The following ABHD12 variants were observed in gnomAD, a reference collection of about 807,000 sequenced individuals.
The protein encoded by ABHD12 is lysophosphatidylserine lipase ABHD12.
ABHD12 carries 43 observed loss-of-function variants against 58.3 expected under a neutral mutation model. That is an observed-to-expected ratio of 0.74 (90% CI 0.58 to 0.95). The LOEUF (loss-of-function observed/expected upper bound fraction) is 0.95, where lower values mean the gene tolerates loss of function less well. Among genes scored for constraint, ABHD12 ranks in the 40% least tolerant of loss-of-function variants. The pLI is 0.00. For synonymous variants in ABHD12, 219 were observed against 211.2 expected, an observed-to-expected ratio of 1.04 and a Z score of -0.32; for missense variants, 539 against 537.2, an observed-to-expected ratio of 1.00 and a Z score of -0.03.
intron 1 of ABHD12, among the ~76,000 whole-genome samples, chr20:25,382,650 C>A (rs1414911276): frequency 3.3e-5 from 5 of 152,166 alleles, no homozygotes; most frequent in Admixed American, 1.3e-4. Flanking sequence ...TTCCATGCCT[C>A]TCTCCAAGGC....
intron 1 of ABHD12, among the ~76,000 whole-genome samples, chr20:25,347,581 TTGAG>T: frequency 6.6e-6 from 1 of 152,226 alleles, no homozygotes; most frequent in East Asian, 1.9e-4. Context: ...TCCCAGCACT[TTGAG>T]TGGCCAAGGC....
intron 1 of ABHD12, among the ~76,000 whole-genome samples, chr20:25,345,234 C>T (rs187315206): frequency 3.3e-5 from 5 of 152,174 alleles, no homozygotes; most frequent in East Asian, 1.9e-4. Flanking sequence ...TACAGGTGAG[C>T]GCCACCACAT....
chr20:25,390,480 C>CT lies in ABHD12; in HGVS notation c.191+32_191+33insA, dbSNP rs767886624. 2.8e-3 allele frequency: 92 copies of CT among 33,100 alleles called. 7 individuals carry two copies. In the South Asian group the frequency reaches 0.059, roughly 21 times the overall value. The allele number at this position is 33,100 out of a possible 1,614,324, so 2.1% of individuals were successfully genotyped here. The stretch of plus-strand genomic sequence containing the variant: ...ACCTGCGCAAAGTGAGGGACCGGCC[C>CT]CCCCCCCCCCCCCGCTCCGCGCGAA... On this transcript the variant is annotated intron_variant, in intron 1 of 12. Coordinates refer to ENST00000339157, the MANE Select transcript of ABHD12 (RefSeq NM_001042472.3).
chr20:25,373,350 C>T (rs930974121), intron 1 of ABHD12, among the ~76,000 whole-genome samples: 12 of 152,092 alleles, frequency 7.9e-5, no homozygotes, highest in Non-Finnish European at 1.3e-4. Flanking sequence ...AGTTCAAGAC[C>T]GGCCTGGCCA....
chr20:25,306,073 G>A (rs1025435246), intron 10 of ABHD12, among the ~76,000 whole-genome samples: 4 of 151,902 alleles, frequency 2.6e-5, no homozygotes, highest in Non-Finnish European at 5.9e-5. Context: ...AGGCTGAGGT[G>A]GGATAATCAC....
At chr20:25,361,917 T>C (rs1026479578) in intron 1 of ABHD12, among the ~76,000 whole-genome samples, 2 of 151,852 alleles carry the variant, frequency 1.3e-5, no homozygotes, top group African/African-American at 4.8e-5. Context: ...ATCCCGCCAC[T>C]GCACTCCAGC....
chr20:25,390,776 G>T lies in ABHD12; in HGVS notation c.-73C>A. Reference sequence around the variant, plus strand: ...CGCAGTGCCGCCGCTCACAGCCGCCGCCACCCAGAGCCCGGAGCCCGGAAC... The same window carrying T: ...CGCAGTGCCGCCGCTCACAGCCGCCTCCACCCAGAGCCCGGAGCCCGGAAC... On this transcript the variant is annotated 5_prime_UTR_variant, in exon 1 of 13. Transcript: ENST00000339157. 4 of 1,026,642 alleles carry T rather than the reference G, an allele frequency of 3.9e-6. No individual in the cohort carries two copies. The highest frequency in any genetic ancestry group is 4.9e-6 in the Non-Finnish European group (4 of 811,544). The allele number at this position is 1,026,642 out of a possible 1,614,324, so 63.6% of individuals were successfully genotyped here.
At chr20:25,336,762 C>A (rs1369519161) in intron 2 of ABHD12, among the ~76,000 whole-genome samples, 1 of 152,214 alleles carries the variant, frequency 6.6e-6, no homozygotes, top group African/African-American at 2.4e-5. Flanking sequence ...CTTGGAAGGG[C>A]CTCATGTGCT....
intron 4 of ABHD12, among the ~76,000 whole-genome samples, chr20:25,318,619 GA>G (rs2089007299): frequency 2.6e-5 from 4 of 151,776 alleles, no homozygotes; most frequent in Admixed American, 1.3e-4. Flanking sequence ...AGCAAACACT[GA>G]AAGTCACGGC....
At chr20:25,338,909 TC>T in intron 2 of ABHD12, 4 of 1,166,772 alleles carry the variant, frequency 3.4e-6, no homozygotes, top group Non-Finnish European at 4.3e-6. Flanking sequence ...GATACGCTGG[TC>T]CCCCAGGGCA....
intron 1 of ABHD12, among the ~76,000 whole-genome samples, chr20:25,387,843 C>G (rs186653234): frequency 6.6e-6 from 1 of 151,980 alleles, no homozygotes; most frequent in African/African-American, 2.4e-5. Flanking sequence ...GAGTTCGAGA[C>G]CAGCCTGGCC....
At chr20:25,309,688 G>GGCCCACCCTTCCAGAGTCCACA (rs1353926525) in intron 6 of ABHD12, 113 bp from the exon 7 acceptor site, 47 of 1,510,004 alleles carry the variant, frequency 3.1e-5, no homozygotes, top group Non-Finnish European at 4.2e-5. Flanking sequence ...GGGCCCGCTT[G>GGCCCACCCTTCCAGAGTCCACA]GCCCACCCTT....
chr20:25,352,152 T>C (rs186321216), intron 1 of ABHD12, among the ~76,000 whole-genome samples: 4 of 151,694 alleles, frequency 2.6e-5, no homozygotes, highest in Admixed American at 6.6e-5. Context: ...CCACCATTCC[T>C]GGCTAATTTT....
chr20:25,378,360 A>T (rs1412110326), intron 1 of ABHD12, among the ~76,000 whole-genome samples: 1 of 152,210 alleles, frequency 6.6e-6, no homozygotes, highest in African/African-American at 2.4e-5. Context: ...AACATCTGGC[A>T]AACAGCAGGA....
At chr20:25,382,082 A>G (rs2090029177) in intron 1 of ABHD12, among the ~76,000 whole-genome samples, 1 of 152,162 alleles carries the variant, frequency 6.6e-6, no homozygotes, top group African/African-American at 2.4e-5. Flanking sequence ...TCCTACAGGG[A>G]AGACACTCTT....
At chr20:25,312,334 A>G (rs1388475834) in intron 6 of ABHD12, among the ~76,000 whole-genome samples, 2 of 151,976 alleles carry the variant, frequency 1.3e-5, no homozygotes, top group South Asian at 2.1e-4. Flanking sequence ...GCGCGCTGCC[A>G]TGCCTGACTG....
chr20:25,368,897 C>G, intron 1 of ABHD12: 1 of 408,406 alleles, frequency 2.4e-6, no homozygotes, highest in Non-Finnish European at 4.7e-6. Context: ...GAGGCTGCGG[C>G]AGGATTGCTT....
chr20:25,317,668 A>T (rs2088987461), intron 4 of ABHD12, among the ~76,000 whole-genome samples: 2 of 152,226 alleles, frequency 1.3e-5, no homozygotes, highest in Non-Finnish European at 2.9e-5. Context: ...GGAGGCCCTG[A>T]AGTGCCGGAA....
intron 1 of ABHD12, among the ~76,000 whole-genome samples, chr20:25,364,517 A>C (rs984983070): frequency 6.6e-6 from 1 of 152,140 alleles, no homozygotes; most frequent in Non-Finnish European, 1.5e-5. Context: ...ACTCATTCCC[A>C]TAAGAGTGGA....
Sources: allele counts gnomAD v4.1 joint callset (sites outside exome capture counted in the v4.1 genomes callset), GRCh38; gene constraint gnomAD v4.1.1; transcripts MANE v1.5; gene names NCBI Gene and HGNC (gene_info 2026-07-23, HGNC 2026-07-21).